Variants in GFRA1 observed in about 807,000 individuals in gnomAD.
GFRA1 encodes GDNF family receptor alpha-1.
A neutral mutation model predicts 51.6 loss-of-function variants in GFRA1; 16 were observed. The observed-to-expected ratio is 0.31, with a 90% CI of 0.21 to 0.47. The LOEUF is 0.47. GFRA1 is among the 20% of genes least tolerant of loss of function. The pLI is 1.00. For synonymous variants in GFRA1, 270 were observed against 241.3 expected, an observed-to-expected ratio of 1.12 and a Z score of -1.10; for missense variants, 530 against 594.3, an observed-to-expected ratio of 0.89 and a Z score of 1.13.
intron 4 of GFRA1, among the ~76,000 whole-genome samples, chr10:116,262,754 G>A (rs977503536): frequency 6.6e-6 from 1 of 152,208 alleles, no homozygotes; most frequent in Non-Finnish European, 1.5e-5. Flanking sequence ...AAAGTGAAAT[G>A]TAAGTGTACT....
chr10:116,091,791 C>T (rs888011115), intron 8 of GFRA1, among the ~76,000 whole-genome samples: 2 of 152,142 alleles, frequency 1.3e-5, no homozygotes, highest in Non-Finnish European at 2.9e-5. Flanking sequence ...GGGCTCTGTG[C>T]CCCATCTAGT....
At position 116,205,014 on chromosome 10, in the gene GFRA1, T is replaced by C. The variant is rs192549287; in HGVS notation, c.433+6617A>G. ...TCAACATCAGCTGTCATAAATCACA[T>C]TGATAGAATGTGCCCTTGATATGAT... is the stretch of plus-strand genomic sequence containing the variant. On this transcript the variant is annotated intron_variant, in intron 5 of 10. Coordinates refer to ENST00000355422, the MANE Select transcript of GFRA1 (RefSeq NM_005264.8). 3.3e-5 allele frequency among the ~76,000 whole-genome samples: 5 copies of C among 152,302 alleles called. No individual in the cohort carries two copies. The East Asian group carries it at 5.8e-4, about 18-fold the overall frequency.
intron 5 of GFRA1, among the ~76,000 whole-genome samples, chr10:116,209,363 T>C (rs1323343657): frequency 2.0e-5 from 3 of 152,170 alleles, no homozygotes; most frequent in Non-Finnish European, 4.4e-5. Flanking sequence ...CCTGCCACAA[T>C]GCACACAGCA....
intron 3 of GFRA1, among the ~76,000 whole-genome samples, chr10:116,269,886 C>T (rs1458193056): frequency 1.3e-5 from 2 of 152,084 alleles, no homozygotes; most frequent in Non-Finnish European, 2.9e-5. Flanking sequence ...GAGCCGGTGA[C>T]GTCACGAGCC....
Position 116,125,716 on chromosome 10 carries a change from A to G in GFRA1, c.434-159T>C, listed in dbSNP as rs147970958. 1.2e-3 allele frequency among the ~76,000 whole-genome samples: 190 copies of G among 152,332 alleles called. 1 individual carries two copies. Among genetic ancestry groups the G allele is most frequent in the Admixed American group, 2.9e-3 (45 of 15,298 alleles). On this transcript the variant is annotated intron_variant, in intron 5 of 10. Transcript: ENST00000355422. ...TAACTTAATGACTTCATGACAAGAG[A>G]AAGTGCTAGGAGTACAAATACCAGG...
At chr10:116,122,241 G>A (rs1957676914) in intron 6 of GFRA1, among the ~76,000 whole-genome samples, 1 of 152,134 alleles carries the variant, frequency 6.6e-6, no homozygotes, top group African/African-American at 2.4e-5. Context: ...CAGAAACGTG[G>A]CAGCAGCACA....
At chr10:116,264,419 G>C (rs2134781224) in intron 4 of GFRA1, among the ~76,000 whole-genome samples, 1 of 150,934 alleles carries the variant, frequency 6.6e-6, no homozygotes, top group African/African-American at 2.4e-5. Flanking sequence ...ATCAAGAAAA[G>C]ATGCTTGGTG....
intron 5 of GFRA1, among the ~76,000 whole-genome samples, chr10:116,142,399 C>A (rs1400044354): frequency 6.6e-6 from 1 of 152,138 alleles, no homozygotes; most frequent in Non-Finnish European, 1.5e-5. Flanking sequence ...TGAGTTGAAG[C>A]CCTTTTATAA....
intron 5 of GFRA1, among the ~76,000 whole-genome samples, chr10:116,173,744 T>C (rs1339218210): frequency 1.3e-5 from 2 of 152,160 alleles, no homozygotes; most frequent in African/African-American, 4.8e-5. Context: ...GATATATATC[T>C]GTTTAGTTGG....
chr10:116,073,264 C>T (rs556515674), intron 9 of GFRA1, among the ~76,000 whole-genome samples: 28 of 152,198 alleles, frequency 1.8e-4, no homozygotes, highest in Non-Finnish European at 3.5e-4. Flanking sequence ...CAGACTCTGT[C>T]TACAGCATAG....
intron 4 of GFRA1, among the ~76,000 whole-genome samples, chr10:116,260,001 T>C (rs975503836): frequency 2.0e-5 from 3 of 152,174 alleles, no homozygotes; most frequent in African/African-American, 7.2e-5. Context: ...CTTTGCTCAC[T>C]CACCTCCCCT....
intron 5 of GFRA1, among the ~76,000 whole-genome samples, chr10:116,187,249 T>C (rs1422582979): frequency 2.0e-5 from 3 of 152,192 alleles, no homozygotes; most frequent in Admixed American, 6.5e-5. Flanking sequence ...TTCGTATTTG[T>C]CTATTATTTT....
intron 3 of GFRA1, 122 bp from the exon 4 acceptor site, chr10:116,269,708 A>C: frequency 1.4e-6 from 1 of 707,866 alleles, no homozygotes; most frequent in Admixed American, 2.0e-5. Flanking sequence ...TGAAACTTTG[A>C]AAGATTTCAA....
At chr10:116,165,937 C>T (rs1014823164) in intron 5 of GFRA1, among the ~76,000 whole-genome samples, 2 of 152,162 alleles carry the variant, frequency 1.3e-5, no homozygotes, top group Non-Finnish European at 2.9e-5. Flanking sequence ...TTCTGATCTT[C>T]TCCCTCTTCT....
At chr10:116,209,417 T>C (rs1456901828) in intron 5 of GFRA1, among the ~76,000 whole-genome samples, 3 of 152,030 alleles carry the variant, frequency 2.0e-5, no homozygotes, top group African/African-American at 7.2e-5. Flanking sequence ...CCTCCCTCCC[T>C]CACTGACAGA....
chr10:116,109,250 C>T (rs1957108052), intron 6 of GFRA1, among the ~76,000 whole-genome samples: 1 of 152,122 alleles, frequency 6.6e-6, no homozygotes, highest in African/African-American at 2.4e-5. Context: ...AGCTCATACG[C>T]ACCCGCACAG....
chr10:116,150,876 G>C (rs969135675), intron 5 of GFRA1, among the ~76,000 whole-genome samples: 2 of 152,160 alleles, frequency 1.3e-5, no homozygotes, highest in African/African-American at 4.8e-5. Flanking sequence ...TCAGATGTTA[G>C]TTCTGTTTAG....
At chr10:116,168,705 C>T (rs1960738642) in intron 5 of GFRA1, among the ~76,000 whole-genome samples, 1 of 152,200 alleles carries the variant, frequency 6.6e-6, no homozygotes, top group Non-Finnish European at 1.5e-5. Context: ...CCCCTTCCCA[C>T]CGTCTGTCCA....
At chr10:116,185,056 G>A (rs541172627) in intron 5 of GFRA1, among the ~76,000 whole-genome samples, 5 of 152,274 alleles carry the variant, frequency 3.3e-5, no homozygotes, top group Admixed American at 2.0e-4. Flanking sequence ...GAGCTTAGCT[G>A]TTCTGAATGT....
Sources: gnomAD v4.1 joint callset for allele counts (sites outside exome capture counted in the v4.1 genomes callset) on GRCh38, gnomAD v4.1.1 for gene constraint, MANE v1.5 for transcripts, NCBI Gene and HGNC (gene_info 2026-07-23, HGNC 2026-07-21) for gene names.